The following MCTS1 variants were observed in gnomAD, a reference collection of about 807,000 sequenced individuals.
MCTS1 encodes MCTS1 re-initiation and release factor.
For synonymous variants in MCTS1, 26 were observed against 40.8 expected (o/e 0.64, Z 1.38); for missense variants, 55 against 128.6 (o/e 0.43, Z 2.77).
At chrX:120,605,008 G>A (rs1278870110) in intron 1 of MCTS1, 4 of 633,597 alleles carry the variant, frequency 6.3e-6, no homozygotes, top group Middle Eastern at 3.9e-4. Flanking sequence ...TTGGTCTTTT[G>A]TATCTCAAGA....
chrX:120,608,019 C>T (rs1197299855), intron 3 of MCTS1, among the ~76,000 whole-genome samples: 2 of 111,157 alleles, frequency 1.8e-5, no homozygotes, highest in African/African-American at 6.6e-5. Flanking sequence ...GATTGCTCCA[C>T]TGTACTCCAG....
chrX:120,618,259 T>C lies in MCTS1; in HGVS notation c.*5995T>C, dbSNP rs1926912130. ...GATGTCTGTTCCTGCCGACTGATGT[T>C]TTAACAAATTTTTAGTTTCTCATGA... On this transcript the variant is annotated 3_prime_UTR_variant, in exon 6 of 6. Coordinates refer to ENST00000371317, the MANE Select transcript of MCTS1 (RefSeq NM_014060.3). Among the ~76,000 whole-genome samples, 1 of 112,383 alleles carries C rather than the reference T, an allele frequency of 8.9e-6. No individual in the cohort carries two copies. The highest frequency in any genetic ancestry group is 9.4e-5 in the Admixed American group (1 of 10,624).
Position 120,619,690 on chromosome X carries a change from T to C in MCTS1, c.*7426T>C, listed in dbSNP as rs974338874. Reference sequence around the variant, plus strand: ...AGAGAGGTATAAGTTGGCAAGACTCTGTTCCACGATGGGAAAAAATGGGTA... The same window carrying C: ...AGAGAGGTATAAGTTGGCAAGACTCCGTTCCACGATGGGAAAAAATGGGTA... On this transcript the variant is annotated 3_prime_UTR_variant, in exon 6 of 6. Transcript: ENST00000371317. 7.2e-5 allele frequency among the ~76,000 whole-genome samples: 8 copies of C among 111,326 alleles called. No homozygotes were observed. Among genetic ancestry groups the C allele is most frequent in the Admixed American group, 5.8e-4 (6 of 10,427 alleles).
rs1447058229 is a variant in MCTS1 at position 120,620,282 on chromosome X, T to A, written c.*8018T>A. 9.2e-6 allele frequency among the ~76,000 whole-genome samples: 1 copy of A among 108,374 alleles called. No homozygotes were observed. Among genetic ancestry groups the A allele is most frequent in the Non-Finnish European group, 1.9e-5 (1 of 52,411 alleles). 94.1% of individuals were successfully genotyped at this position (108,374 alleles called of 115,157 possible). A position where few individuals can be genotyped will look rare whatever the true frequency, so the allele number is the denominator to read the frequency against. On this transcript the variant is annotated 3_prime_UTR_variant, in exon 6 of 6. Transcript: ENST00000371317. Reference sequence around the variant, plus strand: ...GAGATCGCACCACTGCATTCCAGCCTGGACAACAGAGCGAAACTCCGTCTC... The same window carrying A: ...GAGATCGCACCACTGCATTCCAGCCAGGACAACAGAGCGAAACTCCGTCTC...
rs10563395 is a variant in MCTS1 at position 120,612,660 on chromosome X, C to CGTGTGTGT, written c.*415_*422dup. 2.7e-4 allele frequency among the ~76,000 whole-genome samples: 26 copies of CGTGTGTGT among 97,406 alleles called. No individual in the cohort carries two copies. The highest frequency in any genetic ancestry group is 1.0e-3 in the African/African-American group (26 of 25,707). 84.6% of individuals were successfully genotyped at this position (97,406 alleles called of 115,157 possible). On this transcript the variant is annotated 3_prime_UTR_variant, in exon 6 of 6. Coordinates refer to ENST00000371317, the MANE Select transcript of MCTS1 (RefSeq NM_014060.3). ...CAGGGGACCCAGCAGTGCTCATTCT[C>CGTGTGTGT]GTGTGTGTGTGTGTGTGTGTGTGTG...
chrX:120,604,804 T>C, intron 1 of MCTS1: 1 of 1,145,070 alleles, frequency 8.7e-7, no homozygotes, highest in Non-Finnish European at 1.2e-6. Flanking sequence ...GGGAACCTAC[T>C]AGTGGGTTTG....
Position 120,608,268 on chromosome X carries a change from C to T in MCTS1, c.306C>T (p.Ile102=). 8.3e-7 allele frequency: 1 copy of T among 1,204,912 alleles called. No homozygotes were observed. The highest frequency in any genetic ancestry group is 1.1e-6 in the Non-Finnish European group (1 of 890,897). The part of the protein sequence containing the change: ...LPHQQVDKGA[I]KFVLSGANIM... Reference sequence around the variant, plus strand: ...ACCAGCAGGTTGATAAAGGAGCCATCAAATTTGTACTCAGTGGAGCAAATA... The same window carrying T: ...ACCAGCAGGTTGATAAAGGAGCCATTAAATTTGTACTCAGTGGAGCAAATA... The change falls in exon 4 of 6, where the codon ATC becomes ATT. Residue 102 remains isoleucine (I), a synonymous_variant. Coordinates refer to ENST00000371317, the MANE Select transcript of MCTS1 (RefSeq NM_014060.3).
rs1926832872 is a variant in MCTS1 at position 120,615,718 on chromosome X, G to A, written c.*3454G>A. 9.0e-6 allele frequency among the ~76,000 whole-genome samples: 1 copy of A among 111,494 alleles called. No individual in the cohort carries two copies. Among genetic ancestry groups the A allele is most frequent in the Non-Finnish European group, 1.9e-5 (1 of 53,111 alleles). On this transcript the variant is annotated 3_prime_UTR_variant, in exon 6 of 6. Transcript: ENST00000371317. ...ACTCAGATGATTGTCCTGTTGTCCGGTGACATAATGGCCTGATCAGTTCTC... is the reference window on the plus strand; with the variant it reads ...ACTCAGATGATTGTCCTGTTGTCCGATGACATAATGGCCTGATCAGTTCTC...
intron 3 of MCTS1, among the ~76,000 whole-genome samples, 196 bp downstream of exon 3, chrX:120,606,372 A>G (rs1156672385): frequency 8.9e-6 from 1 of 112,679 alleles, no homozygotes; most frequent in Non-Finnish European, 1.9e-5. Flanking sequence ...ATTTATTAGT[A>G]CTAGGTAATA....
In MCTS1 at chrX:120,610,337, G is replaced by A. The variant is rs181816469; in HGVS notation, c.397-674G>A. Among the ~76,000 whole-genome samples, 219 of 109,553 alleles carry A rather than the reference G, an allele frequency of 2.0e-3. 3 individuals are homozygous for A. Among genetic ancestry groups the A allele is most frequent in the East Asian group, 0.012 (42 of 3,437 alleles). On this transcript the variant is annotated intron_variant, in intron 4 of 5. Coordinates refer to ENST00000371317, the MANE Select transcript of MCTS1 (RefSeq NM_014060.3). ...CTCCATCTCAAAAAAACAAACGGCCGGCTATGGTGGCTCACGCCTATAATG... is the reference window on the plus strand; with the variant it reads ...CTCCATCTCAAAAAAACAAACGGCCAGCTATGGTGGCTCACGCCTATAATG...
chrX:120,606,924 AAAC>A (rs1926555235), intron 3 of MCTS1, among the ~76,000 whole-genome samples: 1 of 112,224 alleles, frequency 8.9e-6, no homozygotes, highest in South Asian at 3.7e-4. Flanking sequence ...TTTGGAGAAT[AAAC>A]AACAATTAGA....
intron 5 of MCTS1, among the ~76,000 whole-genome samples, chrX:120,611,622 G>A (rs1926688894): frequency 9.0e-6 from 1 of 111,083 alleles, no homozygotes; most frequent in African/African-American, 3.3e-5. Flanking sequence ...GTTTCACCAT[G>A]TTGGCCAGGC....
intron 1 of MCTS1, 102 bp downstream of exon 1, chrX:120,604,349 C>T: frequency 1.9e-6 from 2 of 1,065,244 alleles, no homozygotes; most frequent in Non-Finnish European, 2.6e-6. Context: ...TCCCCCGCCC[C>T]TGCCATCCTG....
chrX:120,610,055 CT>C (rs1387497705), intron 4 of MCTS1, among the ~76,000 whole-genome samples: 2 of 112,381 alleles, frequency 1.8e-5, no homozygotes, highest in Admixed American at 9.5e-5. Flanking sequence ...GGTGTGGTGG[CT>C]CATGCCTGTA....
intron 4 of MCTS1, among the ~76,000 whole-genome samples, chrX:120,609,502 A>G (rs1284628850): frequency 9.0e-6 from 1 of 111,429 alleles, no homozygotes; most frequent in Non-Finnish European, 1.9e-5. Flanking sequence ...TTTAAGAAGA[A>G]TAAGAAAAAA....
chrX:120,612,677 G>A lies in MCTS1; in HGVS notation c.*413G>A, dbSNP rs1340249457. 1.0e-4 allele frequency among the ~76,000 whole-genome samples: 7 copies of A among 69,862 alleles called. No individual in the cohort carries two copies. Among genetic ancestry groups the A allele is most frequent in the African/African-American group, 5.0e-4 (7 of 14,091 alleles). 60.7% of individuals were successfully genotyped at this position (69,862 alleles called of 115,157 possible). On this transcript the variant is annotated 3_prime_UTR_variant, in exon 6 of 6. Coordinates refer to ENST00000371317, the MANE Select transcript of MCTS1 (RefSeq NM_014060.3). ...CTCATTCTCGTGTGTGTGTGTGTGT[G>A]TGTGTGTGTATGTGTGTGTGTGTGT...
rs1273380337 is a variant in MCTS1, at chrX:120,613,954, C to T, written c.*1690C>T. Among the ~76,000 whole-genome samples the T allele has an allele frequency of 1.8e-5, 2 of 112,542 alleles. No homozygotes were observed. The highest frequency in any genetic ancestry group is 6.5e-5 in the African/African-American group (2 of 30,944). ...GCTGTTATTCTAGTGTCTTAGCCAT[C>T]TTCATTTGGTTGTTTACCAATATAT... is the stretch of plus-strand genomic sequence containing the variant. On this transcript the variant is annotated 3_prime_UTR_variant, in exon 6 of 6. Coordinates refer to ENST00000371317, the MANE Select transcript of MCTS1 (RefSeq NM_014060.3).
chrX:120,606,888 C>G (rs893846627), intron 3 of MCTS1, among the ~76,000 whole-genome samples: 1 of 111,014 alleles, frequency 9.0e-6, no homozygotes, highest in Non-Finnish European at 1.9e-5. Context: ...GACATTGTCT[C>G]TGTCCTTAAG....
chrX:120,610,511 G>T (rs1405547698), intron 4 of MCTS1, among the ~76,000 whole-genome samples: 1 of 111,991 alleles, frequency 8.9e-6, no homozygotes, highest in Non-Finnish European at 1.9e-5. Flanking sequence ...TACTCGGGAG[G>T]CTGAGGCAGG....
Sources: gnomAD v4.1 joint callset for allele counts (sites outside exome capture counted in the v4.1 genomes callset) on GRCh38, gnomAD v4.1.1 for gene constraint, MANE v1.5 for transcripts, NCBI Gene and HGNC (gene_info 2026-07-23, HGNC 2026-07-21) for gene names.